The following DNAH12 variants were observed in gnomAD, a reference collection of about 807,000 sequenced individuals.
DNAH12 encodes axonemal beta dynein heavy chain 12.
DNAH12 carries 285 observed loss-of-function variants against 371.5 expected under a neutral mutation model. The ratio of observed to expected loss-of-function variants is 0.77; its 90% CI spans 0.70 to 0.85. The LOEUF is 0.85. Ranked by LOEUF, DNAH12 falls within the 40% of genes least tolerant of loss-of-function variation. The pLI, the probability that DNAH12 is intolerant of heterozygous loss-of-function variation, is 0.00. For synonymous variants in DNAH12, 1,200 were observed against 1,213.0 expected, an observed-to-expected ratio of 0.99 and a Z score of 0.22; for missense variants, 3,611 against 3,689.4, an observed-to-expected ratio of 0.98 and a Z score of 0.55.
chr3:57,424,398 G>A (rs2064691204), intron 35 of DNAH12, among the ~76,000 whole-genome samples: 1 of 149,222 alleles, frequency 6.7e-6, no homozygotes, highest in Non-Finnish European at 1.5e-5. Context: ...TTGAACCCAG[G>A]AGGCAGAGGA....
rs2068797619 is a variant in DNAH12, at chr3:57,530,314, T to C, written c.171-6430A>G. The C allele has an allele frequency of 2.0e-5, 8 of 393,876 alleles. No individual in the cohort carries two copies. The South Asian group carries it at 4.1e-4, about 20-fold the overall frequency. The allele number at this position is 393,876 out of a possible 1,614,324, so 24.4% of individuals were successfully genotyped here. ...TGTTACAGAACAATAAACACCTTTA[T>C]TACATAAGCAAATACAGAAAGGATG... On this transcript the variant is annotated intron_variant, in intron 2 of 73. Coordinates refer to ENST00000495027, the MANE Select transcript of DNAH12 (RefSeq NM_001366028.2).
intron 13 of DNAH12, among the ~76,000 whole-genome samples, chr3:57,478,643 T>A (rs1241436169): frequency 2.0e-5 from 3 of 151,288 alleles, no homozygotes; most frequent in Non-Finnish European, 2.9e-5. Flanking sequence ...AAAGTTGAAA[T>A]GAAGGAAAAA....
intron 69 of DNAH12, 143 bp from the exon 70 acceptor site, chr3:57,302,082 G>T: frequency 1.3e-6 from 1 of 749,342 alleles, no homozygotes; most frequent in Non-Finnish European, 2.1e-6. Context: ...TGGTACGTGA[G>T]CTAATGTTAA....
chr3:57,486,181 C>CAAA (rs11338004), intron 12 of DNAH12, among the ~76,000 whole-genome samples: 2 of 121,310 alleles, frequency 1.6e-5, no homozygotes, highest in Non-Finnish European at 1.8e-5. Context: ...GACTCCATCT[C>CAAA]AAAAAAAAAA....
At chr3:57,503,623 G>A (rs951280604) in intron 9 of DNAH12, among the ~76,000 whole-genome samples, 1 of 152,048 alleles carries the variant, frequency 6.6e-6, no homozygotes, top group Non-Finnish European at 1.5e-5. Flanking sequence ...TCCTGACCTT[G>A]TGTTCCGCCT....
intron 41 of DNAH12, 134 bp from the exon 42 acceptor site, chr3:57,405,281 T>C: frequency 1.4e-6 from 1 of 705,728 alleles, no homozygotes. Flanking sequence ...AATGCACTTA[T>C]AAAATTAATA....
chr3:57,410,163 C>T (rs2064156632), intron 39 of DNAH12, among the ~76,000 whole-genome samples: 1 of 152,130 alleles, frequency 6.6e-6, no homozygotes. Context: ...TTAAGCTTTG[C>T]AGATACTGTG....
intron 32 of DNAH12, among the ~76,000 whole-genome samples, chr3:57,430,829 G>T (rs530303936): frequency 6.6e-6 from 1 of 152,236 alleles, no homozygotes; most frequent in African/African-American, 2.4e-5. Flanking sequence ...TAACATTTGT[G>T]GATTCCGTTT....
intron 60 of DNAH12, among the ~76,000 whole-genome samples, chr3:57,340,023 A>G (rs1304349022): frequency 6.6e-6 from 1 of 152,048 alleles, no homozygotes; most frequent in Non-Finnish European, 1.5e-5. Flanking sequence ...GTGAGCTGTG[A>G]TCATACCACT....
intron 60 of DNAH12, among the ~76,000 whole-genome samples, chr3:57,336,534 T>C (rs1020247253): frequency 1.6e-4 from 24 of 152,140 alleles, no homozygotes; most frequent in African/African-American, 4.8e-4. Context: ...TCCAGATGTA[T>C]AGATATTGAA....
intron 60 of DNAH12, among the ~76,000 whole-genome samples, chr3:57,337,680 G>GTA (rs148163503): frequency 2.4e-4 from 36 of 150,808 alleles, no homozygotes; most frequent in East Asian, 1.2e-3. Flanking sequence ...ATATATGTGT[G>GTA]TATATATATA....
intron 4 of DNAH12, among the ~76,000 whole-genome samples, chr3:57,518,155 G>A (rs1260528126): frequency 2.0e-5 from 3 of 152,140 alleles, no homozygotes; most frequent in East Asian, 1.9e-4. Flanking sequence ...CTGAACATGT[G>A]TTTTTATATT....
At chr3:57,429,825 C>G in intron 32 of DNAH12, 51 bp from the exon 33 acceptor site, 2 of 1,446,752 alleles carry the variant, frequency 1.4e-6, no homozygotes, top group Non-Finnish European at 1.8e-6. Flanking sequence ...TCAAGTTTCT[C>G]AGATAAAAAT....
At chr3:57,547,915 C>G (rs1298712657), upstream of DNAH12, among the ~76,000 whole-genome samples, 1 of 152,140 alleles carries the variant, frequency 6.6e-6, no homozygotes, top group African/African-American at 2.4e-5. Context: ...GAGTATGTAT[C>G]AGACTTTTTA....
intron 60 of DNAH12, among the ~76,000 whole-genome samples, chr3:57,350,560 C>T (rs1023290109): frequency 6.6e-6 from 1 of 152,108 alleles, no homozygotes; most frequent in Non-Finnish European, 1.5e-5. Context: ...ATGTGAAACG[C>T]ATAATAAAGC....
At chr3:57,431,989 A>T (rs2064968875) in intron 32 of DNAH12, among the ~76,000 whole-genome samples, 1 of 152,056 alleles carries the variant, frequency 6.6e-6, no homozygotes, top group Admixed American at 6.6e-5. Context: ...ATTCCCTCTC[A>T]TGCAGTAAGA....
intron 25 of DNAH12, among the ~76,000 whole-genome samples, chr3:57,447,959 G>C (rs185859453): frequency 1.3e-5 from 2 of 152,152 alleles, no homozygotes; most frequent in Non-Finnish European, 2.9e-5. Context: ...ATAGGCATGA[G>C]CTACCACACC....
chr3:57,433,594 T>C, intron 31 of DNAH12, 51 bp downstream of exon 31: 1 of 1,535,090 alleles, frequency 6.5e-7, no homozygotes, highest in Non-Finnish European at 8.8e-7. Context: ...CGTTTCTTGT[T>C]TTAACAGGCA....
intron 42 of DNAH12, among the ~76,000 whole-genome samples, chr3:57,404,644 C>G (rs1182356972): frequency 6.6e-6 from 1 of 151,950 alleles, no homozygotes; most frequent in Non-Finnish European, 1.5e-5. Flanking sequence ...GGCTTGAACC[C>G]GGGAGGTGGA....
Sources: gnomAD v4.1 joint callset for allele counts (sites outside exome capture counted in the v4.1 genomes callset) on GRCh38, gnomAD v4.1.1 for gene constraint, MANE v1.5 for transcripts, NCBI Gene and HGNC (gene_info 2026-07-23, HGNC 2026-07-21) for gene names.